The following CHN2 variants were observed in gnomAD, a reference collection of about 807,000 sequenced individuals.
CHN2 encodes chimerin 2.
Under a neutral mutation model 56.3 loss-of-function variants are expected in CHN2, and 35 were observed. That is an observed-to-expected ratio of 0.62 (90% CI 0.47 to 0.82). CHN2 has a LOEUF of 0.82. CHN2 is among the 40% of genes least tolerant of loss of function. The pLI is 0.00. For missense variants in CHN2, 491 were observed against 580.5 expected (o/e 0.85, Z 1.58); for synonymous variants, 210 against 212.8 (o/e 0.99, Z 0.12).
intron 1 of CHN2, among the ~76,000 whole-genome samples, chr7:29,331,312 T>G (rs914937130): frequency 6.6e-6 from 1 of 151,686 alleles, no homozygotes; most frequent in Non-Finnish European, 1.5e-5. Flanking sequence ...CATCTGGGAG[T>G]GGCCAAGAGT....
rs147823153 is a variant in CHN2, at chr7:29,355,445, C to A, written c.88+782C>A. ...CCAAGGGTGACTCTTAGAAACAGAT[C>A]CTGCCTGATCATCAGTTACCCACCT... is the stretch of plus-strand genomic sequence containing the variant. On this transcript the variant is annotated intron_variant, in intron 2 of 12. Coordinates refer to ENST00000222792, the MANE Select transcript of CHN2 (RefSeq NM_004067.4). Among the ~76,000 whole-genome samples, 29 of 152,226 alleles carry A rather than the reference C, an allele frequency of 1.9e-4. No homozygotes were observed. In the East Asian group the frequency reaches 5.0e-3, roughly 26 times the overall value.
chr7:29,382,877 A>G (rs1338755385), intron 3 of CHN2, among the ~76,000 whole-genome samples: 2 of 152,224 alleles, frequency 1.3e-5, no homozygotes, highest in Admixed American at 6.5e-5. Flanking sequence ...ATATCCTAGA[A>G]GTATGAGCAG....
intron 6 of CHN2, among the ~76,000 whole-genome samples, chr7:29,472,111 A>C (rs1786107378): frequency 6.6e-6 from 1 of 152,152 alleles, no homozygotes; most frequent in Admixed American, 6.5e-5. Context: ...ATCATTCGGC[A>C]ATTGGAGCTT....
chr7:29,280,111 C>T (rs56926914), intron 1 of CHN2, among the ~76,000 whole-genome samples: 252 of 152,178 alleles, frequency 1.7e-3, no homozygotes, highest in African/African-American at 5.8e-3. Flanking sequence ...AGGCCATGCG[C>T]GGTGGCTCAC....
At chr7:29,193,297 G>A (rs932119430), upstream of CHN2, 7 of 152,044 alleles carry the variant, frequency 4.6e-5, no homozygotes, top group African/African-American at 1.2e-4. Flanking sequence ...AAAATGTGAC[G>A]TGGGTGCGTA....
intron 1 of CHN2, among the ~76,000 whole-genome samples, chr7:29,310,480 G>A (rs77382991): frequency 1.3e-5 from 2 of 152,164 alleles, no homozygotes; most frequent in Admixed American, 6.5e-5. Context: ...GGGATTATGA[G>A]TGATTGTTGT....
chr7:29,451,084 C>A (rs994849664), intron 6 of CHN2, among the ~76,000 whole-genome samples: 1 of 152,052 alleles, frequency 6.6e-6, no homozygotes, highest in Non-Finnish European at 1.5e-5. Flanking sequence ...ACTTCTTATA[C>A]CATAATAAAT....
intron 6 of CHN2, among the ~76,000 whole-genome samples, chr7:29,447,920 A>G (rs1018280967): frequency 1.3e-5 from 2 of 152,230 alleles, no homozygotes; most frequent in African/African-American, 4.8e-5. Flanking sequence ...GCAAAAAAAT[A>G]GAAATTTCCG....
chr7:29,295,348 G>A (rs558556342), intron 1 of CHN2, among the ~76,000 whole-genome samples: 1 of 75,988 alleles, frequency 1.3e-5, no homozygotes, highest in South Asian at 4.4e-4. Context: ...CACACACACA[G>A]ATTATAAACC....
At chr7:29,440,255 A>G (rs937948657) in intron 6 of CHN2, among the ~76,000 whole-genome samples, 2 of 152,218 alleles carry the variant, frequency 1.3e-5, no homozygotes, top group Non-Finnish European at 2.9e-5. Flanking sequence ...CCTCACAAAC[A>G]TAGCATTTAT....
At position 29,165,323 on chromosome 7, in the gene CHN2, A is replaced by C. The variant is rs1470548538; in HGVS notation, c.274+18363A>C. Among the ~76,000 whole-genome samples the C allele has an allele frequency of 5.3e-5, 8 of 152,300 alleles. No homozygotes were observed. In the East Asian group the frequency reaches 1.5e-3, roughly 29 times the overall value. On this transcript the variant is annotated intron_variant, in intron 2 of 6. Coordinates refer to the CHN2 transcript ENST00000439384. ...AATGGTATTTTTATTGCAATTTTGG[A>C]TTGATCTTTACTACTGTATAGAAAC...
chr7:29,386,469 G>A (rs771372926), intron 3 of CHN2, among the ~76,000 whole-genome samples: 41 of 152,174 alleles, frequency 2.7e-4, no homozygotes, highest in African/African-American at 8.9e-4. Flanking sequence ...TACCAGCTGC[G>A]GAGGGATTAC....
chr7:29,439,197 G>A (rs1432029971), intron 6 of CHN2, among the ~76,000 whole-genome samples: 1 of 152,170 alleles, frequency 6.6e-6, no homozygotes, highest in Non-Finnish European at 1.5e-5. Context: ...TCATGATATT[G>A]TCATCATGAA....
chr7:29,215,380 C>A lies in CHN2; in HGVS notation c.49+20390C>A, dbSNP rs537670078. ...TCCTAGCTACTTGAGGCACTCCCAACTTCTCATTCTTTCGACTTCTGTAAA... is the reference window on the plus strand; with the variant it reads ...TCCTAGCTACTTGAGGCACTCCCAAATTCTCATTCTTTCGACTTCTGTAAA... On this transcript the variant is annotated intron_variant, in intron 1 of 12. Transcript: ENST00000222792. Among the ~76,000 whole-genome samples, 6 of 152,266 alleles carry A rather than the reference C, an allele frequency of 3.9e-5. No homozygotes were observed. In the East Asian group the frequency reaches 7.7e-4, roughly 20 times the overall value.
At chr7:29,221,909 C>T (rs1785835018) in intron 1 of CHN2, among the ~76,000 whole-genome samples, 1 of 152,132 alleles carries the variant, frequency 6.6e-6, no homozygotes, top group African/African-American at 2.4e-5. Flanking sequence ...GTGAATAGTG[C>T]TGCAGTGAAC....
intron 1 of CHN2, among the ~76,000 whole-genome samples, chr7:29,317,386 A>G (rs1795030854): frequency 2.0e-5 from 3 of 152,222 alleles, no homozygotes; most frequent in Admixed American, 6.5e-5. Context: ...GTGTTTAGGC[A>G]CTTTGGGACC....
chr7:29,297,984 A>AG (rs1793325820), intron 1 of CHN2, among the ~76,000 whole-genome samples: 5 of 152,304 alleles, frequency 3.3e-5, no homozygotes, highest in African/African-American at 1.2e-4. Context: ...CTTTGCTATC[A>AG]AATACCTGGG....
chr7:29,308,591 A>T (rs544048745), intron 1 of CHN2, among the ~76,000 whole-genome samples: 1 of 152,268 alleles, frequency 6.6e-6, no homozygotes, highest in African/African-American at 2.4e-5. Flanking sequence ...GGATCTCTGC[A>T]GTCACCTGCT....
intron 1 of CHN2, among the ~76,000 whole-genome samples, chr7:29,331,578 G>C (rs1365979508): frequency 6.6e-6 from 1 of 152,156 alleles, no homozygotes; most frequent in Non-Finnish European, 1.5e-5. Context: ...GAAGTAGTGT[G>C]GTTGGTAGAG....
Sources: allele counts gnomAD v4.1 joint callset (sites outside exome capture counted in the v4.1 genomes callset), GRCh38; gene constraint gnomAD v4.1.1; transcripts MANE v1.5; gene names NCBI Gene and HGNC (gene_info 2026-07-23, HGNC 2026-07-21).